Variants in TLR6 observed in about 807,000 individuals in gnomAD.
TLR6 encodes toll like receptor 6.
TLR6 carries 9 observed loss-of-function variants against 16.1 expected under a neutral mutation model. The observed-to-expected ratio is 0.56, with a 90% CI of 0.34 to 0.98. The LOEUF (loss-of-function observed/expected upper bound fraction) is 0.98, where lower values mean the gene tolerates loss of function less well. TLR6 is among the 50% of genes least tolerant of loss of function. The pLI, the probability that TLR6 is intolerant of heterozygous loss-of-function variation, is 0.02. For synonymous variants in TLR6, 340 were observed against 338.6 expected, an observed-to-expected ratio of 1.00 and a Z score of -0.04; for missense variants, 786 against 921.0, an observed-to-expected ratio of 0.85 and a Z score of 1.90.
the TLR6 span, among the ~76,000 whole-genome samples, chr4:38,863,965 A>G: frequency 1.3e-5 from 2 of 151,404 alleles, no homozygotes; most frequent in South Asian, 4.2e-4. Context: ...ATTTTCTTCT[A>G]CTCTTCCCCA....
chr4:38,827,700 C>T (rs370754613), exon 2 of TLR6: 28 of 1,614,054 alleles, frequency 1.7e-5, no homozygotes, highest in South Asian at 3.3e-5. Context: ...ATGGTGGCAC[C>T]GATGGTGACG....
At position 38,850,646 on chromosome 4, in the gene TLR6, C is replaced by A. The variant is rs547869599; in HGVS notation, c.-65+6115G>T. Among the ~76,000 whole-genome samples, 54 of 152,286 alleles carry A rather than the reference C, an allele frequency of 3.5e-4. No individual in the cohort carries two copies. The South Asian group carries it at 0.01, about 29-fold the overall frequency. ...AAAATCTAGAAGAAGTGAATAAATT[C>A]CTCGACACCTACACTCTCCCAAGAC... is the stretch of plus-strand genomic sequence containing the variant. On this transcript the variant is annotated intron_variant, in intron 1 of 1. Transcript: ENST00000436693.
At chr4:38,823,577 A>G (rs1459672679), downstream of TLR6, 1 of 152,246 alleles carries the variant, frequency 6.6e-6, no homozygotes, top group African/African-American at 2.4e-5. Context: ...GTTGAGGCAA[A>G]CTTACCAAAT....
At chr4:38,834,337 A>G (rs1300642744) in intron 1 of TLR6, among the ~76,000 whole-genome samples, 1 of 148,912 alleles carries the variant, frequency 6.7e-6, no homozygotes, top group Non-Finnish European at 1.5e-5. Context: ...CTTTTGAAAT[A>G]ACCCAGTGAG....
chr4:38,867,710 GGGGCGCAGGC>G, the TLR6 span: 2 of 148,946 alleles, frequency 1.3e-5, no homozygotes, highest in African/African-American at 5.1e-5. Context: ...CTCGTGGGGC[GGGGCGCAGGC>G]GGGGCGGGGC....
exon 2 of TLR6, chr4:38,827,913 T>G: frequency 6.2e-7 from 1 of 1,614,198 alleles, no homozygotes. Flanking sequence ...ATTGACCTCA[T>G]CTTCTGGCAG....
chr4:38,839,078 AAG>A (rs1359619695), intron 1 of TLR6, among the ~76,000 whole-genome samples: 13 of 125,388 alleles, frequency 1.0e-4, no homozygotes, highest in African/African-American at 3.9e-4. Context: ...GAAAGAGAGA[AAG>A]AGGAAGGAAG....
intron 1 of TLR6, among the ~76,000 whole-genome samples, chr4:38,833,569 T>C (rs1323047715): frequency 6.6e-6 from 1 of 152,026 alleles, no homozygotes; most frequent in African/African-American, 2.4e-5. Context: ...TCAAAGCCAA[T>C]CCATAAAATT....
chr4:38,841,579 A>G (rs1282689333), intron 1 of TLR6, among the ~76,000 whole-genome samples: 6 of 152,206 alleles, frequency 3.9e-5, no homozygotes, highest in Non-Finnish European at 8.8e-5. Context: ...GAGAGAAGAA[A>G]AAAGGGAAAC....
exon 2 of TLR6, chr4:38,827,077 A>C: frequency 1.3e-6 from 2 of 1,561,094 alleles, no homozygotes; most frequent in African/African-American, 1.4e-5. Flanking sequence ...AATTTCCTAA[A>C]TTTTTTTAAG....
the TLR6 span, among the ~76,000 whole-genome samples, chr4:38,863,876 A>G: frequency 2.6e-5 from 4 of 152,150 alleles, no homozygotes; most frequent in African/African-American, 9.7e-5. Flanking sequence ...CTCAAAAGCC[A>G]TAAGGGTGCC....
chr4:38,832,234 G>A (rs1711646417), intron 1 of TLR6, among the ~76,000 whole-genome samples: 1 of 152,188 alleles, frequency 6.6e-6, no homozygotes, highest in Non-Finnish European at 1.5e-5. Flanking sequence ...CCTCTGCAAA[G>A]AAGGACCAAA....
intron 1 of TLR6, among the ~76,000 whole-genome samples, chr4:38,856,122 T>G (rs1712974581): frequency 1.3e-5 from 2 of 151,946 alleles, no homozygotes; most frequent in South Asian, 4.1e-4. Context: ...AGGAAGGCAA[T>G]TGCTACACTG....
chr4:38,828,545 T>A lies in TLR6; in HGVS notation c.929A>T (p.Glu310Val), dbSNP rs1020035312. 8 of 1,613,968 alleles carry A rather than the reference T, an allele frequency of 5.0e-6. No individual in the cohort carries two copies. In the African/African-American group the frequency reaches 1.1e-4, roughly 22 times the overall value. The change falls in exon 2 of 2, where the codon GAA becomes GTA. Residue 310 changes from glutamate (E) to valine (V), a missense_variant. By Grantham distance (121) the Glu-to-Val change is moderately radical. Transcript: ENST00000436693. ...CAGAAAAACTTGGTTCGTGATATGTTCTATTGTCAATGCTTTCAATGTCGT... is the reference window on the plus strand; with the variant it reads ...CAGAAAAACTTGGTTCGTGATATGTACTATTGTCAATGCTTTCAATGTCGT...
chr4:38,852,697 G>C (rs1463210685), intron 1 of TLR6, among the ~76,000 whole-genome samples: 1 of 151,126 alleles, frequency 6.6e-6, no homozygotes, highest in Admixed American at 6.6e-5. Flanking sequence ...TCTCACACCA[G>C]TTAGAATGGC....
chr4:38,852,076 C>T (rs534044526), intron 1 of TLR6, among the ~76,000 whole-genome samples: 1 of 152,288 alleles, frequency 6.6e-6, no homozygotes, highest in African/African-American at 2.4e-5. Context: ...AGTAATACCA[C>T]ACATCTACAA....
the TLR6 span, among the ~76,000 whole-genome samples, chr4:38,866,719 C>T: frequency 1.6e-4 from 25 of 151,878 alleles, no homozygotes; most frequent in South Asian, 4.6e-3. Context: ...GTCAACATCT[C>T]GCCATTTTTA....
intron 1 of TLR6, among the ~76,000 whole-genome samples, chr4:38,856,331 G>A (rs1296553939): frequency 6.6e-6 from 1 of 152,166 alleles, no homozygotes; most frequent in East Asian, 1.9e-4. Flanking sequence ...AACTGTTACA[G>A]TGACAAACGA....
upstream of TLR6, chr4:38,856,940 C>G (rs963820219): frequency 2.6e-5 from 4 of 152,164 alleles, no homozygotes; most frequent in African/African-American, 4.8e-5. Flanking sequence ...TTCAAAGGTC[C>G]GGAGGTGAGT....
Sources: gnomAD v4.1 joint callset for allele counts (sites outside exome capture counted in the v4.1 genomes callset) on GRCh38, gnomAD v4.1.1 for gene constraint, MANE v1.5 for transcripts, NCBI Gene and HGNC (gene_info 2026-07-23, HGNC 2026-07-21) for gene names.